Variants in PTPN14 observed in about 807,000 individuals in gnomAD.
PTPN14 encodes the protein tyrosine-protein phosphatase non-receptor type 14.
PTPN14 carries 53 observed loss-of-function variants against 126.8 expected under a neutral mutation model. That is an observed-to-expected ratio of 0.42 (90% CI 0.34 to 0.53). The LOEUF (loss-of-function observed/expected upper bound fraction) is 0.53, where lower values mean the gene tolerates loss of function less well. PTPN14 is among the 20% of genes least tolerant of loss of function. The pLI is 0.08. For missense variants in PTPN14, 1,257 were observed against 1,552.9 expected, an observed-to-expected ratio of 0.81 and a Z score of 3.20; for synonymous variants, 630 against 599.3, an observed-to-expected ratio of 1.05 and a Z score of -0.75.
Position 214,383,249 on chromosome 1 carries a change from G to A in PTPN14, c.2544+62C>T, listed in dbSNP as rs1658514138. On this transcript the variant is annotated intron_variant, in intron 13 of 18. Coordinates refer to ENST00000366956, the MANE Select transcript of PTPN14 (RefSeq NM_005401.5). This position sits in a 1 kb window ranked among gnomAD's most constrained non-coding sequence, Gnocchi z 4.4. ...GTTCCCTGCATAAGCCCTGCCCCTT[G>A]CTCAGTGCCTGAAGCATGTGCTTTC... 2 of 1,552,004 alleles carry A rather than the reference G, an allele frequency of 1.3e-6. No individual in the cohort carries two copies. Among genetic ancestry groups the A allele is most frequent in the East Asian group, 2.3e-5 (1 of 44,118 alleles).
intron 6 of PTPN14, 52 bp downstream of exon 6, chr1:214,402,831 G>A (rs1659064609): frequency 1.3e-6 from 2 of 1,583,870 alleles, no homozygotes; most frequent in Admixed American, 1.7e-5. Flanking sequence ...CCTGCCCCAT[G>A]GGCTGTAAAC....
At chr1:214,443,504 A>C (rs938295749) in intron 3 of PTPN14, among the ~76,000 whole-genome samples, 1 of 152,124 alleles carries the variant, frequency 6.6e-6, no homozygotes, top group Non-Finnish European at 1.5e-5. Flanking sequence ...GATCACACCC[A>C]TAACAGTAGA....
chr1:214,522,800 A>G (rs562862680), intron 1 of PTPN14, among the ~76,000 whole-genome samples: 15 of 152,368 alleles, frequency 9.8e-5, no homozygotes, highest in African/African-American at 3.6e-4. Flanking sequence ...ACCAATTGTG[A>G]AAATAAATGC....
chr1:214,436,683 A>T, intron 3 of PTPN14, among the ~76,000 whole-genome samples: 1 of 150,174 alleles, frequency 6.7e-6, no homozygotes, highest in African/African-American at 2.4e-5. Context: ...GCTACTGGGG[A>T]GGCTGAGGCA....
chr1:214,494,730 G>A (rs1233930494), intron 1 of PTPN14, among the ~76,000 whole-genome samples: 3 of 152,228 alleles, frequency 2.0e-5, no homozygotes, highest in East Asian at 1.9e-4. Flanking sequence ...TAAAGGAAGA[G>A]TGGCCTCTCC....
intron 3 of PTPN14, among the ~76,000 whole-genome samples, chr1:214,443,437 CA>C (rs1243497106): frequency 6.6e-6 from 1 of 152,068 alleles, no homozygotes; most frequent in African/African-American, 2.4e-5. Flanking sequence ...TTTGCAAAGA[CA>C]GTGAAAATTT....
chr1:214,353,380 T>C lies in PTPN14; in HGVS notation c.*4542A>G, dbSNP rs188186898. The stretch of plus-strand genomic sequence containing the variant: ...ATTCAGCATGTGGCAAATTCAACTT[T>C]TGCTTTTTGGAACTTTGTGGGTTTC... On this transcript the variant is annotated 3_prime_UTR_variant, in exon 19 of 19. Coordinates refer to ENST00000366956, the MANE Select transcript of PTPN14 (RefSeq NM_005401.5). 6.6e-6 allele frequency: 1 copy of C among 152,128 alleles called. No homozygotes were observed. The highest frequency in any genetic ancestry group is 1.5e-5 in the Non-Finnish European group (1 of 68,028). The allele number at this position is 152,128 out of a possible 1,614,324, so 9.4% of individuals were successfully genotyped here. A position where few individuals can be genotyped will look rare whatever the true frequency, so the allele number is the denominator to read the frequency against.
At chr1:214,393,160 C>T (rs1054636371) in intron 10 of PTPN14, among the ~76,000 whole-genome samples, 11 of 152,152 alleles carry the variant, frequency 7.2e-5, no homozygotes, top group South Asian at 4.1e-4. Context: ...AAAATACACA[C>T]GGATTTGTGA....
rs571438517 is a variant in PTPN14 at position 214,361,977 on chromosome 1, T to C, written c.3435+2535A>G. Reference sequence around the variant, plus strand: ...CCAGGAAAAAGAAAGGCCATTTCATTGACAGAATTAAAACTGCATGAATTA... The same window carrying C: ...CCAGGAAAAAGAAAGGCCATTTCATCGACAGAATTAAAACTGCATGAATTA... On this transcript the variant is annotated intron_variant, in intron 18 of 18. Coordinates refer to ENST00000366956, the MANE Select transcript of PTPN14 (RefSeq NM_005401.5). 1.2e-3 allele frequency among the ~76,000 whole-genome samples: 177 copies of C among 152,330 alleles called. 1 individual carries two copies. Among genetic ancestry groups the C allele is most frequent in the Non-Finnish European group, 8.5e-4 (58 of 68,038 alleles).
chr1:214,391,480 A>G (rs1202769569), intron 10 of PTPN14, among the ~76,000 whole-genome samples: 1 of 152,178 alleles, frequency 6.6e-6, no homozygotes, highest in African/African-American at 2.4e-5. Context: ...CAAAATAGAT[A>G]CAATATTTTT....
intron 11 of PTPN14, among the ~76,000 whole-genome samples, chr1:214,389,069 A>T (rs1658691461): frequency 6.6e-6 from 1 of 152,232 alleles, no homozygotes; most frequent in Non-Finnish European, 1.5e-5. Flanking sequence ...GTTGCAATTT[A>T]AAAATATTTT....
At chr1:214,450,975 C>T (rs776411584) in intron 3 of PTPN14, among the ~76,000 whole-genome samples, 48 of 152,180 alleles carry the variant, frequency 3.2e-4, no homozygotes, top group Non-Finnish European at 1.8e-4. Flanking sequence ...CTTCTTGTCT[C>T]CTCTTATTTA....
intron 1 of PTPN14, among the ~76,000 whole-genome samples, chr1:214,541,594 G>A (rs2102483468): frequency 6.6e-6 from 1 of 152,262 alleles, no homozygotes; most frequent in Middle Eastern, 3.4e-3. Context: ...AGGCCACAGG[G>A]TTCCAGTGAC....
chr1:214,476,976 A>G (rs1437849840), intron 1 of PTPN14, among the ~76,000 whole-genome samples: 3 of 152,248 alleles, frequency 2.0e-5, no homozygotes, highest in African/African-American at 7.2e-5. Context: ...ATGTTTTCCC[A>G]ACAAGCCAAT....
At chr1:214,523,685 G>A (rs920473408) in intron 1 of PTPN14, among the ~76,000 whole-genome samples, 4 of 152,242 alleles carry the variant, frequency 2.6e-5, no homozygotes, top group South Asian at 4.1e-4. Context: ...CCCCACTTCC[G>A]GAGGTATCTG....
At chr1:214,528,220 C>T (rs1655450771) in intron 1 of PTPN14, 1 of 152,140 alleles carries the variant, frequency 6.6e-6, no homozygotes, top group Non-Finnish European at 1.5e-5. Flanking sequence ...ATTAAACCTA[C>T]TCCTGGGAAT....
intron 1 of PTPN14, among the ~76,000 whole-genome samples, chr1:214,492,497 T>A (rs1457293703): frequency 6.6e-6 from 1 of 152,218 alleles, no homozygotes; most frequent in Non-Finnish European, 1.5e-5. Flanking sequence ...TGCATGACCC[T>A]AAGGAGAATC....
intron 11 of PTPN14, among the ~76,000 whole-genome samples, chr1:214,389,852 C>T (rs1658709193): frequency 6.6e-6 from 1 of 152,172 alleles, no homozygotes; most frequent in South Asian, 2.1e-4. Flanking sequence ...ATGAACAAAT[C>T]TATTGGTACT....
rs774677752 is a variant in PTPN14 at position 214,464,612 on chromosome 1, C to T, written c.174+18G>A. 1 of 1,612,100 alleles carries T rather than the reference C, an allele frequency of 6.2e-7. No homozygotes were observed. Among genetic ancestry groups the T allele is most frequent in the African/African-American group, 1.3e-5 (1 of 74,940 alleles). On this transcript the variant is annotated intron_variant, in intron 2 of 18. Coordinates refer to ENST00000366956, the MANE Select transcript of PTPN14 (RefSeq NM_005401.5). ...ACGCATGCACGCGCACATGCGCACA[C>T]AGACACACCCCTCTTACCTCTCGCA...
Sources: allele counts gnomAD v4.1 joint callset (sites outside exome capture counted in the v4.1 genomes callset), GRCh38; gene constraint gnomAD v4.1.1; non-coding constraint Gnocchi (gnomAD v3.1); transcripts MANE v1.5; gene names NCBI Gene and HGNC (gene_info 2026-07-23, HGNC 2026-07-21).